The following SORCS1 variants were observed in gnomAD, a reference collection of about 807,000 sequenced individuals.
The protein encoded by SORCS1 is sortilin related VPS10 domain containing receptor 1.
Under a neutral mutation model 146.1 loss-of-function variants are expected in SORCS1, and 60 were observed. The observed-to-expected ratio is 0.41, with a 90% CI of 0.33 to 0.51. SORCS1 has a LOEUF of 0.51. SORCS1 is among the 20% of genes least tolerant of loss of function. The pLI is 0.21. For missense variants in SORCS1, 1,352 were observed against 1,487.6 expected, an observed-to-expected ratio of 0.91 and a Z score of 1.50; for synonymous variants, 637 against 584.0, an observed-to-expected ratio of 1.09 and a Z score of -1.31.
At position 106,881,211 on chromosome 10, in the gene SORCS1, T is replaced by A. The variant is rs1950794996; in HGVS notation, c.627-51538A>T. 2.6e-5 allele frequency among the ~76,000 whole-genome samples: 4 copies of A among 152,122 alleles called. No homozygotes were observed. In the South Asian group the frequency reaches 8.3e-4, roughly 32 times the overall value. ...GCTTTAGGGACAGCTAGACCTTCAT[T>A]AACATCCTTACTGATTCACTCACAA... On this transcript the variant is annotated intron_variant, in intron 2 of 25. Coordinates refer to ENST00000263054, the MANE Select transcript of SORCS1 (RefSeq NM_052918.5).
At chr10:107,143,284 C>T (rs916938284) in intron 1 of SORCS1, among the ~76,000 whole-genome samples, 4 of 152,130 alleles carry the variant, frequency 2.6e-5, no homozygotes, top group African/African-American at 9.7e-5. Flanking sequence ...CTGATTATGT[C>T]ACTCCTTTAT....
intron 1 of SORCS1, among the ~76,000 whole-genome samples, chr10:107,020,436 A>C (rs1958079707): frequency 6.6e-6 from 1 of 152,216 alleles, no homozygotes; most frequent in Admixed American, 6.5e-5. Context: ...AGTTTGAAGA[A>C]TTTAACTTTT....
At chr10:107,049,061 A>G (rs1191806225) in intron 1 of SORCS1, among the ~76,000 whole-genome samples, 2 of 151,638 alleles carry the variant, frequency 1.3e-5, no homozygotes, top group African/African-American at 2.4e-5. Flanking sequence ...TGTGGCACAT[A>G]TACACCATGG....
intron 1 of SORCS1, among the ~76,000 whole-genome samples, chr10:106,970,727 G>A (rs73376410): frequency 0.045 from 6,780 of 151,090 alleles, 498 homozygotes; most frequent in African/African-American, 0.15. Flanking sequence ...CAATGCTTCT[G>A]ACAACTCTTT....
At chr10:106,868,137 A>T (rs1950285677) in intron 2 of SORCS1, among the ~76,000 whole-genome samples, 1 of 152,328 alleles carries the variant, frequency 6.6e-6, no homozygotes, top group East Asian at 1.9e-4. Context: ...GTTCAATTCA[A>T]CAAGAAGACC....
At chr10:106,926,639 G>C (rs1953035593) in intron 2 of SORCS1, among the ~76,000 whole-genome samples, 1 of 152,048 alleles carries the variant, frequency 6.6e-6, no homozygotes, top group Non-Finnish European at 1.5e-5. Context: ...TAACAAGACA[G>C]TAAACAAACT....
intron 5 of SORCS1, 68 bp downstream of exon 5, chr10:106,761,520 T>C: frequency 7.3e-7 from 1 of 1,365,150 alleles, no homozygotes; most frequent in Non-Finnish European, 1.0e-6. Context: ...AAGATTCCAA[T>C]GGGCATTTAC....
chr10:106,971,135 G>T (rs1955768105), intron 1 of SORCS1, among the ~76,000 whole-genome samples: 1 of 152,006 alleles, frequency 6.6e-6, no homozygotes, highest in Non-Finnish European at 1.5e-5. Context: ...TTAAAAAATA[G>T]CAGTCTAAAC....
Position 106,757,735 on chromosome 10 carries a change from T to C in SORCS1, c.959+3853A>G, listed in dbSNP as rs1178665112. Among the ~76,000 whole-genome samples, 14 of 152,176 alleles carry C rather than the reference T, an allele frequency of 9.2e-5. No homozygotes were observed. In the East Asian group the frequency reaches 2.7e-3, roughly 29 times the overall value. On this transcript the variant is annotated intron_variant, in intron 5 of 25. Transcript: ENST00000263054. ...CACTGATATGCCTGAGTGGGCTAGA[T>C]TTCCAGGGCTCACAGTCCCAGCCAA...
chr10:106,963,155 G>T (rs1326434238), intron 1 of SORCS1, among the ~76,000 whole-genome samples: 1 of 95,842 alleles, frequency 1.0e-5, no homozygotes, highest in Non-Finnish European at 2.0e-5. Context: ...TTGCTCTGTC[G>T]CCCAGGCTGG....
At chr10:107,175,928 A>G in the SORCS1 span, among the ~76,000 whole-genome samples, 53 of 151,756 alleles carry the variant, frequency 3.5e-4, no homozygotes, top group African/African-American at 1.1e-3. Context: ...GTTTTCTTTC[A>G]TTGTCCTTGA....
intron 17 of SORCS1, 24 bp downstream of exon 17, chr10:106,667,665 A>G: frequency 6.3e-7 from 1 of 1,581,398 alleles, no homozygotes; most frequent in Non-Finnish European, 8.7e-7. Flanking sequence ...TTGGCCTCTC[A>G]AGGTCACTAC....
chr10:106,691,359 T>C (rs926547690), intron 9 of SORCS1, among the ~76,000 whole-genome samples: 5 of 152,240 alleles, frequency 3.3e-5, no homozygotes, highest in African/African-American at 1.2e-4. Context: ...CCCTTCTGAA[T>C]TCTGCATAAA....
At chr10:107,082,425 T>C (rs1963398541) in intron 1 of SORCS1, among the ~76,000 whole-genome samples, 1 of 152,178 alleles carries the variant, frequency 6.6e-6, no homozygotes, top group African/African-American at 2.4e-5. Flanking sequence ...ACTTTTGTTT[T>C]ATTTTGTTTA....
At chr10:107,000,458 T>A (rs922588217) in intron 1 of SORCS1, among the ~76,000 whole-genome samples, 1 of 143,886 alleles carries the variant, frequency 6.9e-6, no homozygotes, top group Non-Finnish European at 1.5e-5. Context: ...AAAAAAAAAA[T>A]TATCTGGGCG....
intron 2 of SORCS1, among the ~76,000 whole-genome samples, chr10:106,843,843 T>C (rs1261788381): frequency 1.3e-5 from 2 of 152,224 alleles, no homozygotes; most frequent in Non-Finnish European, 2.9e-5. Flanking sequence ...TTGGCTATTG[T>C]GAATAATGTT....
chr10:106,633,128 C>T (rs775776937), intron 18 of SORCS1, among the ~76,000 whole-genome samples: 14 of 152,068 alleles, frequency 9.2e-5, no homozygotes, highest in Admixed American at 3.3e-4. Context: ...TTATCTTTCT[C>T]CTAAGAGCAA....
intron 1 of SORCS1, among the ~76,000 whole-genome samples, chr10:107,036,729 C>T (rs941096803): frequency 1.3e-5 from 2 of 152,176 alleles, no homozygotes; most frequent in African/African-American, 2.4e-5. Flanking sequence ...TTTTAAGCAG[C>T]GCTTCCTTCT....
chr10:106,975,988 C>T (rs540138677), intron 1 of SORCS1, among the ~76,000 whole-genome samples: 122 of 152,014 alleles, frequency 8.0e-4, no homozygotes, highest in Non-Finnish European at 1.5e-3. Context: ...TCTCTACTAA[C>T]AATACAAAAA....
Sources: allele counts gnomAD v4.1 joint callset (sites outside exome capture counted in the v4.1 genomes callset), GRCh38; gene constraint gnomAD v4.1.1; transcripts MANE v1.5; gene names NCBI Gene and HGNC (gene_info 2026-07-23, HGNC 2026-07-21).